Variants in DYNC2H1 observed in about 807,000 individuals in gnomAD.
DYNC2H1 encodes cytoplasmic dynein 2 heavy chain 1.
A neutral mutation model predicts 570.0 loss-of-function variants in DYNC2H1; 410 were observed. The observed-to-expected ratio is 0.72, with a 90% CI of 0.66 to 0.78. The LOEUF (loss-of-function observed/expected upper bound fraction) is 0.78, where lower values mean the gene tolerates loss of function less well. DYNC2H1 is among the 30% of genes least tolerant of loss of function. The pLI is 0.00. For synonymous variants in DYNC2H1, 1,688 were observed against 1,677.6 expected (o/e 1.01, Z -0.15); for missense variants, 4,865 against 5,046.4 (o/e 0.96, Z 1.09).
intron 62 of DYNC2H1, among the ~76,000 whole-genome samples, chr11:103,236,078 G>T (rs1414791021): frequency 6.6e-6 from 1 of 151,768 alleles, no homozygotes; most frequent in Non-Finnish European, 1.5e-5. Context: ...TTTTGATATT[G>T]CATAGATGCA....
chr11:103,138,218 T>C (rs1468776869), intron 17 of DYNC2H1, among the ~76,000 whole-genome samples: 2 of 152,302 alleles, frequency 1.3e-5, no homozygotes, highest in Non-Finnish European at 2.9e-5. Flanking sequence ...ATACCCTTTA[T>C]TTACTTCTCC....
chr11:103,454,682 A>G (rs761306782), intron 85 of DYNC2H1, among the ~76,000 whole-genome samples: 15 of 152,162 alleles, frequency 9.9e-5, no homozygotes, highest in Admixed American at 2.0e-4. Context: ...TTATATTGAT[A>G]TGTATTTCTC....
rs567535722 is a variant in DYNC2H1, at chr11:103,363,467, A to G, written c.12156+5108A>G. 3.3e-5 allele frequency among the ~76,000 whole-genome samples: 5 copies of G among 152,316 alleles called. No individual in the cohort carries two copies. Among genetic ancestry groups the G allele is most frequent in the African/African-American group, 1.2e-4 (5 of 41,574 alleles). ...CTGTTAGGGGTTTAGATTAATACTC[A>G]ATTTAAAATCTTACCACAAGGCAAA... On this transcript the variant is annotated intron_variant, in intron 83 of 88. Transcript: ENST00000375735. This position sits in a 1 kb window ranked among gnomAD's most constrained non-coding sequence, Gnocchi z 5.6.
At position 103,368,024 on chromosome 11, in the gene DYNC2H1, C is replaced by T. The variant is rs528906659; in HGVS notation, c.12156+9665C>T. On this transcript the variant is annotated intron_variant, in intron 83 of 88. Coordinates refer to ENST00000375735, the MANE Select transcript of DYNC2H1 (RefSeq NM_001377.3). Reference sequence around the variant, plus strand: ...TTTTCTTTATCCATTCATTGTTGCACATTTAGGTTAGTTCTGTATCTTGTG... The same window carrying T: ...TTTTCTTTATCCATTCATTGTTGCATATTTAGGTTAGTTCTGTATCTTGTG... Among the ~76,000 whole-genome samples, 35 of 152,148 alleles carry T rather than the reference C, an allele frequency of 2.3e-4. 1 individual carries two copies. The South Asian group carries it at 7.2e-3, about 32-fold the overall frequency.
intron 88 of DYNC2H1, 112 bp from the exon 89 acceptor site, chr11:103,478,983 A>C (rs2135878930): frequency 8.1e-7 from 1 of 1,234,828 alleles, no homozygotes; most frequent in South Asian, 1.7e-5. Context: ...TCATCATATT[A>C]ATTTGAAACA....
At position 103,191,501 on chromosome 11, in the gene DYNC2H1, G is replaced by C. The variant is rs779895331; in HGVS notation, c.7438-16G>C. On this transcript the variant is annotated splice_polypyrimidine_tract_variant and intron_variant, in intron 45 of 88. Coordinates refer to ENST00000375735, the MANE Select transcript of DYNC2H1 (RefSeq NM_001377.3). ...TAAGGCAGTAGAAAGATTGTTTACT[G>C]TATTTTCTTTTTCAGGTGCGAGCCA... 2 of 1,562,412 alleles carry C rather than the reference G, an allele frequency of 1.3e-6. No individual in the cohort carries two copies. The highest frequency in any genetic ancestry group is 1.7e-6 in the Non-Finnish European group (2 of 1,143,714).
At chr11:103,366,479 AGTTT>A (rs1940913206) in intron 83 of DYNC2H1, among the ~76,000 whole-genome samples, 1 of 152,210 alleles carries the variant, frequency 6.6e-6, no homozygotes, top group East Asian at 1.9e-4. Flanking sequence ...AGTTTAATAT[AGTTT>A]ATCATTATTT....
chr11:103,453,641 TAC>T lies in DYNC2H1; in HGVS notation c.12457-1539_12457-1538del, dbSNP rs1555138110. ...ATATATATATATATATATATATATA[TAC>T]ACACATTCATTACTGGCAACAACTC... On this transcript the variant is annotated intron_variant, in intron 85 of 88. Coordinates refer to ENST00000375735, the MANE Select transcript of DYNC2H1 (RefSeq NM_001377.3). Among the ~76,000 whole-genome samples the T allele has an allele frequency of 6.5e-4, 61 of 93,216 alleles. 2 individuals are homozygous for T. Among genetic ancestry groups the T allele is most frequent in the Admixed American group, 2.8e-3 (21 of 7,494 alleles). The allele number at this position is 93,216 out of a possible 152,430, so 61.2% of individuals were successfully genotyped here. A position where few individuals can be genotyped will look rare whatever the true frequency, so the allele number is the denominator to read the frequency against.
intron 18 of DYNC2H1, among the ~76,000 whole-genome samples, chr11:103,143,853 T>G (rs1337003732): frequency 6.6e-6 from 1 of 152,188 alleles, no homozygotes; most frequent in African/African-American, 2.4e-5. Context: ...GAGGGGCAAC[T>G]CAGCTACTTG....
At chr11:103,192,647 C>T (rs1862364421) in intron 47 of DYNC2H1, among the ~76,000 whole-genome samples, 1 of 152,116 alleles carries the variant, frequency 6.6e-6, no homozygotes, top group South Asian at 2.1e-4. Context: ...CCTGTCACTA[C>T]GTATAATGTC....
At chr11:103,116,801 C>G in intron 5 of DYNC2H1, 87 bp downstream of exon 5, 1 of 1,224,232 alleles carries the variant, frequency 8.2e-7, no homozygotes, top group Non-Finnish European at 1.1e-6. Flanking sequence ...ACTTAAAATG[C>G]TCCTTTATGT....
rs1861069724 is a variant in DYNC2H1, at chr11:103,161,021, G to T, written c.4468G>T (p.Val1490Phe). The part of the protein sequence containing the change: ...EGEVVPFKNK[V>F]PLSNNVETWL... ...AGAAGTTGTACCTTTTAAAAATAAAGTTCCTCTATCAAATAATGTAGAGGT... is the reference window on the plus strand; with the variant it reads ...AGAAGTTGTACCTTTTAAAAATAAATTTCCTCTATCAAATAATGTAGAGGT... Residue 1490 changes from valine to phenylalanine, a missense_variant, in exon 29 of 89, where the codon GTT becomes TTT. Around this residue, in one of 5 missense-constraint regions of DYNC2H1, gnomAD observed 1,936 missense variants for 1,962.1 expected, o/e 0.99. Coordinates refer to ENST00000375735, the MANE Select transcript of DYNC2H1 (RefSeq NM_001377.3). 1.3e-6 allele frequency: 2 copies of T among 1,520,538 alleles called. No individual in the cohort carries two copies. Among genetic ancestry groups the T allele is most frequent in the Admixed American group, 2.2e-5 (1 of 44,668 alleles). 94.2% of individuals were successfully genotyped at this position (1,520,538 alleles called of 1,614,324 possible). A position where few individuals can be genotyped will look rare whatever the true frequency, so the allele number is the denominator to read the frequency against.
chr11:103,291,449 A>AAATAAATAAATAAAT (rs1866596404), intron 75 of DYNC2H1, among the ~76,000 whole-genome samples: 1 of 152,016 alleles, frequency 6.6e-6, no homozygotes, highest in South Asian at 2.1e-4. Context: ...ATAAATAAAT[A>AAATAAATAAATAAAT]AATAAATAAA....
intron 83 of DYNC2H1, among the ~76,000 whole-genome samples, chr11:103,384,128 A>G (rs571135518): frequency 1.8e-3 from 277 of 152,250 alleles, no homozygotes; most frequent in Non-Finnish European, 3.3e-3. Context: ...CTGTCCTCCC[A>G]TTTTATCCTT....
chr11:103,184,757 A>T, intron 40 of DYNC2H1, 139 bp from the exon 41 acceptor site: 1 of 749,176 alleles, frequency 1.3e-6, no homozygotes, highest in Non-Finnish European at 2.0e-6. Context: ...AATGAAATCC[A>T]AACTTTCTAC....
chr11:103,220,498 TAAGA>T, intron 56 of DYNC2H1, 121 bp from the exon 57 acceptor site: 2 of 952,188 alleles, frequency 2.1e-6, no homozygotes, highest in Non-Finnish European at 2.9e-6. Context: ...TTTGATATTT[TAAGA>T]GAGAGAACAT....
At chr11:103,423,807 G>A (rs1943576416) in intron 84 of DYNC2H1, among the ~76,000 whole-genome samples, 1 of 151,902 alleles carries the variant, frequency 6.6e-6, no homozygotes, top group African/African-American at 2.4e-5. Context: ...TGGGAAAGAA[G>A]CACATAAAAA....
At chr11:103,344,968 TTTTG>T (rs1191838069) in intron 82 of DYNC2H1, among the ~76,000 whole-genome samples, 1 of 151,026 alleles carries the variant, frequency 6.6e-6, no homozygotes, top group Non-Finnish European at 1.5e-5. Flanking sequence ...CACCATTCTG[TTTTG>T]TTTAAAACTC....
chr11:103,419,340 C>T (rs1943401022), intron 84 of DYNC2H1, among the ~76,000 whole-genome samples: 1 of 152,152 alleles, frequency 6.6e-6, no homozygotes, highest in African/African-American at 2.4e-5. Context: ...CTGGATGAGA[C>T]CTCCCAACAG....
Sources: allele counts gnomAD v4.1 joint callset (sites outside exome capture counted in the v4.1 genomes callset), GRCh38; gene constraint gnomAD v4.1.1; regional missense constraint gnomAD v4.1.1; non-coding constraint Gnocchi (gnomAD v3.1); transcripts MANE v1.5; gene names NCBI Gene and HGNC (gene_info 2026-07-23, HGNC 2026-07-21).